Variants in DLGAP1 observed in about 807,000 individuals in gnomAD.
The protein encoded by DLGAP1 is DLG associated protein 1.
Under a neutral mutation model 90.8 loss-of-function variants are expected in DLGAP1, and 11 were observed. That is an observed-to-expected ratio of 0.12 (90% CI 0.08 to 0.20). The LOEUF is 0.20. DLGAP1 is among the 10% of genes least tolerant of loss of function. The probability of loss-of-function intolerance (pLI) is 1.00; values close to 1 mark genes in which losing one functional copy is unlikely to be tolerated. For missense variants in DLGAP1, 1,050 were observed against 1,333.8 expected (o/e 0.79, Z 3.31); for synonymous variants, 558 against 540.7 (o/e 1.03, Z -0.44).
chr18:4,064,567 T>C (rs548886817), intron 2 of DLGAP1, among the ~76,000 whole-genome samples: 1 of 152,100 alleles, frequency 6.6e-6, no homozygotes, highest in Non-Finnish European at 1.5e-5. Context: ...TATGAACACC[T>C]TTATGCACAT....
chr18:4,393,843 G>A (rs942788834), intron 1 of DLGAP1, among the ~76,000 whole-genome samples: 4 of 152,136 alleles, frequency 2.6e-5, no homozygotes, highest in African/African-American at 7.2e-5. Context: ...CATAAGAAGC[G>A]TTCAACCTAG....
chr18:4,222,148 A>C (rs1450803820), intron 1 of DLGAP1, among the ~76,000 whole-genome samples: 1 of 152,140 alleles, frequency 6.6e-6, no homozygotes, highest in African/African-American at 2.4e-5. Flanking sequence ...CTTTACTTAA[A>C]TAATGTTCAA....
At position 4,090,015 on chromosome 18, in the gene DLGAP1, A is replaced by G. The variant is rs189529796; in HGVS notation, c.-159+61165T>C. Among the ~76,000 whole-genome samples, 458 of 152,284 alleles carry G rather than the reference A, an allele frequency of 3.0e-3. 1 individual carries two copies. Among genetic ancestry groups the G allele is most frequent in the Non-Finnish European group, 3.9e-3 (267 of 68,022 alleles). ...AGCCAAGATCGCGCCGCTGCACTCC[A>G]GCCTGGGTGATAGAGGGGGACTCCG... On this transcript the variant is annotated intron_variant, in intron 2 of 12. Coordinates refer to ENST00000315677, the MANE Select transcript of DLGAP1 (RefSeq NM_004746.4).
chr18:3,783,721 A>G (rs756455331), intron 5 of DLGAP1, among the ~76,000 whole-genome samples: 5 of 152,202 alleles, frequency 3.3e-5, no homozygotes, highest in Non-Finnish European at 5.9e-5. Flanking sequence ...TGAAGATACA[A>G]AAAACCATTG....
intron 2 of DLGAP1, among the ~76,000 whole-genome samples, chr18:4,011,642 C>A (rs1223296524): frequency 6.6e-6 from 1 of 151,836 alleles, no homozygotes; most frequent in Non-Finnish European, 1.5e-5. Context: ...CATAGTGAAA[C>A]CTTGTCTCTA....
intron 1 of DLGAP1, among the ~76,000 whole-genome samples, chr18:4,445,168 G>A (rs2083629978): frequency 6.6e-6 from 1 of 151,970 alleles, no homozygotes; most frequent in African/African-American, 2.4e-5. Context: ...CCAAAATATA[G>A]CTCAATTACT....
chr18:4,356,117 T>TGGACTCTGTCTTCAGGA (rs1567857381), intron 1 of DLGAP1, among the ~76,000 whole-genome samples: 1 of 151,984 alleles, frequency 6.6e-6, no homozygotes, highest in African/African-American at 2.4e-5. Flanking sequence ...CGTAGTCAGT[T>TGGACTCTGTCTTCAGGA]GGACTCTGTC....
intron 3 of DLGAP1, among the ~76,000 whole-genome samples, chr18:3,928,674 G>C (rs949086483): frequency 6.6e-6 from 1 of 152,144 alleles, no homozygotes. Context: ...GAGAAGTAAA[G>C]TAACTTATTC....
At chr18:4,354,419 C>T (rs1177395912) in intron 1 of DLGAP1, among the ~76,000 whole-genome samples, 3 of 152,138 alleles carry the variant, frequency 2.0e-5, no homozygotes, top group Non-Finnish European at 2.9e-5. Flanking sequence ...AATCTGGACA[C>T]GCCCTAGTTT....
intron 4 of DLGAP1, among the ~76,000 whole-genome samples, chr18:3,835,885 T>C (rs1215606441): frequency 6.6e-6 from 1 of 152,206 alleles, no homozygotes; most frequent in African/African-American, 2.4e-5. Flanking sequence ...ATCGCCATCA[T>C]TCTTTTATCA....
intron 6 of DLGAP1, among the ~76,000 whole-genome samples, chr18:3,736,723 C>T (rs2062653524): frequency 6.6e-6 from 1 of 152,104 alleles, no homozygotes; most frequent in Non-Finnish European, 1.5e-5. Context: ...CTTAAAGATA[C>T]TGTGTTACCA....
rs11334039 is a variant in DLGAP1, at chr18:4,216,291, A to ACC, written c.-266-65006_-266-65005dup. Among the ~76,000 whole-genome samples the ACC allele has an allele frequency of 9.5e-3, 1,389 of 146,206 alleles. 11 individuals carry two copies. Among genetic ancestry groups the ACC allele is most frequent in the Middle Eastern group, 0.014 (4 of 278 alleles). ...GTGTAACCGCTCTCGTGATTAAATT[A>ACC]CCCCCCCCCCACCAGGTCCCTCCCA... On this transcript the variant is annotated intron_variant, in intron 1 of 12. Coordinates refer to ENST00000315677, the MANE Select transcript of DLGAP1 (RefSeq NM_004746.4).
In DLGAP1 at chr18:4,269,350, A is replaced by ATTTT. The variant is rs1276704887; in HGVS notation, c.-266-118064_-266-118063insAAAA. ...TATATATACATATATATATATATAT[A>ATTTT]TATATTTTTTTTTTTCTTTTTGAGA... On this transcript the variant is annotated intron_variant, in intron 1 of 12. Coordinates refer to ENST00000315677, the MANE Select transcript of DLGAP1 (RefSeq NM_004746.4). Among the ~76,000 whole-genome samples the ATTTT allele has an allele frequency of 3.6e-3, 460 of 127,054 alleles. 6 individuals carry two copies. Among genetic ancestry groups the ATTTT allele is most frequent in the South Asian group, 0.036 (152 of 4,260 alleles). The allele number at this position is 127,054 out of a possible 152,430, so 83.4% of individuals were successfully genotyped here.
intron 2 of DLGAP1, among the ~76,000 whole-genome samples, chr18:4,016,035 T>C (rs1052648230): frequency 1.3e-5 from 2 of 152,188 alleles, no homozygotes; most frequent in African/African-American, 4.8e-5. Flanking sequence ...ATTTTCCAAC[T>C]TTAAGACTGA....
intron 5 of DLGAP1, among the ~76,000 whole-genome samples, chr18:3,777,574 C>T (rs2064994985): frequency 6.6e-6 from 1 of 152,040 alleles, no homozygotes; most frequent in Non-Finnish European, 1.5e-5. Flanking sequence ...GGAAGCAAAG[C>T]AGTTCTAAGC....
intron 2 of DLGAP1, among the ~76,000 whole-genome samples, chr18:4,043,856 T>C (rs959406220): frequency 6.6e-6 from 1 of 152,180 alleles, no homozygotes; most frequent in African/African-American, 2.4e-5. Context: ...TTCAGGCACT[T>C]GGTGTTGAGA....
At chr18:3,773,636 T>A (rs1056586221) in intron 5 of DLGAP1, among the ~76,000 whole-genome samples, 3 of 152,212 alleles carry the variant, frequency 2.0e-5, no homozygotes, top group African/African-American at 7.2e-5. Flanking sequence ...CTAACAATAG[T>A]GTTCATAAAT....
intron 4 of DLGAP1, among the ~76,000 whole-genome samples, chr18:3,853,894 T>C (rs1367566097): frequency 6.6e-6 from 1 of 152,182 alleles, no homozygotes; most frequent in Non-Finnish European, 1.5e-5. Context: ...TCCACGGCCC[T>C]TTTTTCATTT....
At chr18:4,248,268 T>C (rs61095152) in intron 1 of DLGAP1, among the ~76,000 whole-genome samples, 2,000 of 152,226 alleles carry the variant, frequency 0.013, 56 homozygotes, top group African/African-American at 0.046. Context: ...TAATTAACAA[T>C]AACCTTCACG....
Sources: allele counts gnomAD v4.1 joint callset (sites outside exome capture counted in the v4.1 genomes callset), GRCh38; gene constraint gnomAD v4.1.1; transcripts MANE v1.5; gene names NCBI Gene and HGNC (gene_info 2026-07-23, HGNC 2026-07-21).